The following KIAA0319 variants were observed in gnomAD, a reference collection of about 807,000 sequenced individuals.
KIAA0319 encodes the protein KIAA0319.
In KIAA0319, 83 loss-of-function variants were observed where a neutral mutation model predicts 108.4. The ratio of observed to expected loss-of-function variants is 0.77; its 90% CI spans 0.64 to 0.92. The LOEUF is 0.92. Ranked by LOEUF, KIAA0319 falls within the 40% of genes least tolerant of loss-of-function variation. The probability of loss-of-function intolerance (pLI) is 0.00; values close to 1 mark genes in which losing one functional copy is unlikely to be tolerated. For synonymous variants in KIAA0319, 484 were observed against 510.4 expected (o/e 0.95, Z 0.70); for missense variants, 1,195 against 1,322.4 (o/e 0.90, Z 1.49).
chr6:24,554,280 A>G (rs1318113162), intron 19 of KIAA0319, among the ~76,000 whole-genome samples: 2 of 152,248 alleles, frequency 1.3e-5, no homozygotes, highest in Non-Finnish European at 2.9e-5. Context: ...GTACCACTCT[A>G]GTGAATATAA....
At chr6:24,581,080 G>A in intron 6 of KIAA0319, 67 bp from the exon 7 acceptor site, 1 of 999,284 alleles carries the variant, frequency 1.0e-6, no homozygotes, top group Non-Finnish European at 1.6e-6. Flanking sequence ...CGTAGAAAAA[G>A]CTAAAATGTC....
chr6:24,606,264 T>G (rs1430588882), intron 1 of KIAA0319, among the ~76,000 whole-genome samples: 3 of 152,122 alleles, frequency 2.0e-5, no homozygotes, highest in African/African-American at 7.2e-5. Flanking sequence ...CTCCTCATAT[T>G]TCTGGCCATA....
At chr6:24,576,782 G>A (rs899724749) in intron 9 of KIAA0319, among the ~76,000 whole-genome samples, 186 bp from the exon 10 acceptor site, 17 of 151,752 alleles carry the variant, frequency 1.1e-4, no homozygotes, top group Admixed American at 3.3e-4. Flanking sequence ...AAAATTAGCC[G>A]AGTGTGGTCA....
downstream of KIAA0319, among the ~76,000 whole-genome samples, chr6:24,541,843 A>G (rs1760203175): frequency 6.6e-6 from 1 of 152,156 alleles, no homozygotes; most frequent in African/African-American, 2.4e-5. Context: ...ATTTTTTTAA[A>G]TGCCTTTATT....
chr6:24,578,024 A>T, intron 9 of KIAA0319, 86 bp downstream of exon 9: 1 of 1,333,628 alleles, frequency 7.5e-7, no homozygotes. Context: ...TCAAAATAAG[A>T]AGTGCAGTGT....
At chr6:24,543,558 G>T (rs927487464), downstream of KIAA0319, among the ~76,000 whole-genome samples, 4 of 152,158 alleles carry the variant, frequency 2.6e-5, no homozygotes, top group Non-Finnish European at 5.9e-5. Context: ...CTCCTGAGTA[G>T]CTGGGACTAC....
intron 3 of KIAA0319, among the ~76,000 whole-genome samples, chr6:24,593,353 A>G (rs1390502421): frequency 6.6e-6 from 1 of 151,520 alleles, no homozygotes; most frequent in East Asian, 1.9e-4. Flanking sequence ...TTATATCTAA[A>G]CAATTCACAA....
intron 2 of KIAA0319, chr6:24,600,574 A>C: frequency 2.1e-6 from 2 of 969,990 alleles, no homozygotes; most frequent in South Asian, 1.4e-5. Context: ...TGTACATAAC[A>C]GTTTTTCTAG....
chr6:24,563,574 C>A, intron 15 of KIAA0319, 56 bp from the exon 16 acceptor site: 1 of 1,511,558 alleles, frequency 6.6e-7, no homozygotes, highest in Non-Finnish European at 8.9e-7. Flanking sequence ...GGCTTTAGAG[C>A]ATAAGGAGCG....
intron 1 of KIAA0319, among the ~76,000 whole-genome samples, chr6:24,638,139 CAA>C (rs747223193): frequency 3.3e-5 from 5 of 151,756 alleles, no homozygotes; most frequent in Non-Finnish European, 7.4e-5. Flanking sequence ...AAAAGAGTAT[CAA>C]AGAGACAGTA....
At chr6:24,602,311 A>G (rs73388302) in intron 1 of KIAA0319, among the ~76,000 whole-genome samples, 10,975 of 152,268 alleles carry the variant, frequency 0.072, 938 homozygotes, top group African/African-American at 0.21. Context: ...TGCCCAGCCT[A>G]TATTTCATGA....
chr6:24,637,127 C>A (rs1453484302), intron 1 of KIAA0319, among the ~76,000 whole-genome samples: 1 of 152,188 alleles, frequency 6.6e-6, no homozygotes. Flanking sequence ...ACAATCAAAG[C>A]AATGGCTACC....
intron 2 of KIAA0319, chr6:24,598,311 G>A: frequency 1.5e-6 from 1 of 669,700 alleles, no homozygotes. Flanking sequence ...AGGAGAAGGA[G>A]CAGATCAAGA....
At chr6:24,615,523 G>C (rs1290985486) in intron 1 of KIAA0319, among the ~76,000 whole-genome samples, 1 of 152,110 alleles carries the variant, frequency 6.6e-6, no homozygotes, top group African/African-American at 2.4e-5. Context: ...AGTCAGGTGA[G>C]ACACAAGGGT....
chr6:24,587,001 T>TC (rs1415481803), intron 4 of KIAA0319, among the ~76,000 whole-genome samples: 1 of 152,056 alleles, frequency 6.6e-6, no homozygotes, highest in African/African-American at 2.4e-5. Context: ...ATCTCCTATG[T>TC]CCCCCGTGTC....
In KIAA0319 at chr6:24,603,750, C is replaced by CA. The variant is rs528769275; in HGVS notation, c.-105-2543dup. 3.2e-3 allele frequency among the ~76,000 whole-genome samples: 492 copies of CA among 152,302 alleles called. 3 individuals are homozygous for CA. The highest frequency in any genetic ancestry group is 0.014 in the Middle Eastern group (4 of 294). Reference sequence around the variant, plus strand: ...GGGGGCAGGAAATAACCAGAAAGGACAAGGAGCCTGCAAACAAAATCAAAC... The same window carrying CA: ...GGGGGCAGGAAATAACCAGAAAGGACAAAGGAGCCTGCAAACAAAATCAAAC... On this transcript the variant is annotated intron_variant, in intron 1 of 20. Transcript: ENST00000378214.
rs544274519 is a variant in KIAA0319, at chr6:24,548,921, A to T, written c.3041-1578T>A. Among the ~76,000 whole-genome samples, 11 of 152,264 alleles carry T rather than the reference A, an allele frequency of 7.2e-5. No homozygotes were observed. The South Asian group carries it at 2.3e-3, about 32-fold the overall frequency. On this transcript the variant is annotated intron_variant, in intron 20 of 20. Coordinates refer to ENST00000378214, the MANE Select transcript of KIAA0319 (RefSeq NM_014809.4). ...AGACATAGAGGTTGCTGTGGTCTGAATGTTTGCACCCCCACAAATTCATGT... is the reference window on the plus strand; with the variant it reads ...AGACATAGAGGTTGCTGTGGTCTGATTGTTTGCACCCCCACAAATTCATGT...
intron 1 of KIAA0319, among the ~76,000 whole-genome samples, chr6:24,639,954 T>C (rs1195990784): frequency 6.6e-6 from 1 of 151,570 alleles, no homozygotes; most frequent in Admixed American, 6.6e-5. Context: ...CAAACTAAAA[T>C]GTCAAATAAT....
chr6:24,580,412 T>C (rs1275644633), intron 7 of KIAA0319, among the ~76,000 whole-genome samples: 2 of 144,224 alleles, frequency 1.4e-5, no homozygotes, highest in Non-Finnish European at 1.5e-5. Flanking sequence ...ATTGGGTCGG[T>C]TGTGCCCTCA....
Sources: allele counts gnomAD v4.1 joint callset (sites outside exome capture counted in the v4.1 genomes callset), GRCh38; gene constraint gnomAD v4.1.1; transcripts MANE v1.5; gene names NCBI Gene and HGNC (gene_info 2026-07-23, HGNC 2026-07-21).